STPG2: variants seen among roughly 807,000 people sequenced by gnomAD.
STPG2 encodes sperm-tail PG-rich repeat-containing protein 2.
In STPG2, 56 loss-of-function variants were observed where a neutral mutation model predicts 54.2. That is an observed-to-expected ratio of 1.03 (90% CI 0.83 to 1.29). The LOEUF (loss-of-function observed/expected upper bound fraction) is 1.29, where lower values mean the gene tolerates loss of function less well. Among genes scored for constraint, STPG2 ranks in the 50% most tolerant of loss-of-function variants. The probability of loss-of-function intolerance (pLI) is 0.00; values close to 1 mark genes in which losing one functional copy is unlikely to be tolerated. For synonymous variants in STPG2, 200 were observed against 181.8 expected (o/e 1.10, Z -0.81); for missense variants, 596 against 544.9 (o/e 1.09, Z -0.93).
intron 8 of STPG2, among the ~76,000 whole-genome samples, chr4:97,903,653 A>G (rs2149189272): frequency 6.6e-6 from 1 of 152,340 alleles, no homozygotes; most frequent in Non-Finnish European, 1.5e-5. Context: ...AGCAACGCAG[A>G]AGACTGGTGA....
intron 10 of STPG2, among the ~76,000 whole-genome samples, chr4:97,639,235 T>C (rs905430096): frequency 7.9e-5 from 12 of 151,744 alleles, no homozygotes; most frequent in African/African-American, 2.9e-4. Flanking sequence ...CTCAGTAAAC[T>C]ATCGCAAGAA....
intron 10 of STPG2, among the ~76,000 whole-genome samples, chr4:97,685,884 TCTGA>T (rs1489280366): frequency 6.6e-6 from 1 of 152,126 alleles, no homozygotes; most frequent in African/African-American, 2.4e-5. Context: ...AGGAGAGCAG[TCTGA>T]CTAATACAGT....
At chr4:97,622,076 A>G (rs1296364739) in intron 10 of STPG2, among the ~76,000 whole-genome samples, 1 of 152,152 alleles carries the variant, frequency 6.6e-6, no homozygotes, top group African/African-American at 2.4e-5. Context: ...AGAATTCAAT[A>G]TCGCTTCATA....
chr4:97,914,694 T>C (rs1731808030), intron 8 of STPG2, among the ~76,000 whole-genome samples: 1 of 152,194 alleles, frequency 6.6e-6, no homozygotes, highest in Non-Finnish European at 1.5e-5. Context: ...CAGATTTTTT[T>C]GGAGTTTGGA....
intron 10 of STPG2, among the ~76,000 whole-genome samples, chr4:97,577,386 T>C (rs1353728931): frequency 2.6e-5 from 4 of 151,984 alleles, no homozygotes; most frequent in Non-Finnish European, 4.4e-5. Context: ...GTGTTACATA[T>C]ACACTATGGA....
rs117545924 is a variant in STPG2 at position 97,697,778 on chromosome 4, G to A, written c.1320+14921C>T. The stretch of plus-strand genomic sequence containing the variant: ...AAGTAACACCTGGCCCACCCAAGGT[G>A]GAAAACTGCTTAAGGTGTTCCTAAA... On this transcript the variant is annotated intron_variant, in intron 10 of 10. Transcript: ENST00000295268. Among the ~76,000 whole-genome samples, 330 of 152,246 alleles carry A rather than the reference G, an allele frequency of 2.2e-3. 6 individuals carry two copies. In the East Asian group the frequency reaches 0.033, roughly 15 times the overall value.
At chr4:98,105,551 T>C (rs3942521) in intron 5 of STPG2, among the ~76,000 whole-genome samples, 1 of 152,140 alleles carries the variant, frequency 6.6e-6, no homozygotes, top group South Asian at 2.1e-4. Context: ...GGGTCCAGGA[T>C]GGGATTTGAT....
intron 10 of STPG2, among the ~76,000 whole-genome samples, chr4:97,641,675 T>C (rs947317365): frequency 2.0e-5 from 3 of 151,354 alleles, no homozygotes; most frequent in Non-Finnish European, 3.0e-5. Flanking sequence ...AACTTTTGTA[T>C]GTCCAAATGG....
intron 10 of STPG2, among the ~76,000 whole-genome samples, chr4:97,636,788 C>T (rs989307016): frequency 2.0e-5 from 3 of 152,038 alleles, no homozygotes; most frequent in Admixed American, 2.0e-4. Context: ...CAAGACTAAA[C>T]CAGGAAGAAG....
At chr4:98,096,843 T>C (rs1299638183) in intron 5 of STPG2, among the ~76,000 whole-genome samples, 2 of 152,156 alleles carry the variant, frequency 1.3e-5, no homozygotes, top group Non-Finnish European at 2.9e-5. Flanking sequence ...GTGGCTACTA[T>C]GAGCAACTAT....
intron 10 of STPG2, among the ~76,000 whole-genome samples, chr4:97,596,928 G>GA (rs1018752337): frequency 1.0e-4 from 15 of 147,796 alleles, no homozygotes; most frequent in East Asian, 5.9e-4. Context: ...GAGCTGAACT[G>GA]AAAAAAAAAT....
chr4:98,098,805 G>A (rs752826801), intron 5 of STPG2, among the ~76,000 whole-genome samples: 1 of 151,992 alleles, frequency 6.6e-6, no homozygotes, highest in Non-Finnish European at 1.5e-5. Flanking sequence ...TTAAAAATGG[G>A]CAAAAGATTT....
intron 10 of STPG2, among the ~76,000 whole-genome samples, chr4:97,593,730 G>T (rs73831953): frequency 0.13 from 20,061 of 152,010 alleles, 4,063 homozygotes; most frequent in African/African-American, 0.44. Flanking sequence ...CTGCTCTAAG[G>T]AAGCACTTTA....
intron 10 of STPG2, among the ~76,000 whole-genome samples, chr4:97,585,621 G>GCCTCA (rs1732977824): frequency 6.6e-6 from 1 of 152,006 alleles, no homozygotes; most frequent in South Asian, 2.1e-4. Context: ...CAGCAAGGGA[G>GCCTCA]CCTCACTGTT....
chr4:97,604,726 G>T lies in STPG2; in HGVS notation c.1321-45609C>A, dbSNP rs375074576. ...AGATAAATTTGTTAATAATACTTGA[G>T]AAATGAAATATTTTAATGGCCAGGT... On this transcript the variant is annotated intron_variant, in intron 10 of 10. Transcript: ENST00000295268. Among the ~76,000 whole-genome samples the T allele has an allele frequency of 6.6e-4, 100 of 151,746 alleles. 1 individual carries two copies. In the South Asian group the frequency reaches 0.02, roughly 30 times the overall value.
At chr4:97,486,636 T>A (rs947492913) in intron 4 of STPG2, among the ~76,000 whole-genome samples, 1 of 151,656 alleles carries the variant, frequency 6.6e-6, no homozygotes, top group African/African-American at 2.4e-5. Context: ...AAAGTAGAAC[T>A]ACCATTTGAT....
intron 4 of STPG2, among the ~76,000 whole-genome samples, chr4:97,532,172 A>G (rs556087004): frequency 6.6e-6 from 1 of 152,262 alleles, no homozygotes. Flanking sequence ...CTTTTATGTT[A>G]TTTTAATCCA....
intron 9 of STPG2, among the ~76,000 whole-genome samples, chr4:97,840,075 T>A (rs1728749591): frequency 6.6e-6 from 1 of 151,622 alleles, no homozygotes; most frequent in Non-Finnish European, 1.5e-5. Context: ...TACTGATAGC[T>A]AAGACCATCC....
At chr4:97,784,869 T>C (rs1398340520) in intron 9 of STPG2, among the ~76,000 whole-genome samples, 1 of 152,056 alleles carries the variant, frequency 6.6e-6, no homozygotes, top group South Asian at 2.1e-4. Flanking sequence ...AATAAAGATG[T>C]ACCTGAGACT....
Sources: allele counts gnomAD v4.1 joint callset (sites outside exome capture counted in the v4.1 genomes callset), GRCh38; gene constraint gnomAD v4.1.1; transcripts MANE v1.5; gene names NCBI Gene and HGNC (gene_info 2026-07-23, HGNC 2026-07-21).